XKR9: variants seen among roughly 807,000 people sequenced by gnomAD.
XKR9 encodes XK-related protein 9.
A neutral mutation model predicts 32.0 loss-of-function variants in XKR9; 32 were observed. The ratio of observed to expected loss-of-function variants is 1.00; its 90% confidence interval spans 0.76 to 1.34. The LOEUF (loss-of-function observed/expected upper bound fraction) is 1.34. Ranked by LOEUF, XKR9 falls within the 40% of genes most tolerant of loss-of-function variation. XKR9 has a pLI of 0.00. For missense variants in XKR9, 546 were observed against 429.7 expected (o/e 1.27, Z -2.39); for synonymous variants, 168 against 143.4 (o/e 1.17, Z -1.22).
At chr8:70,892,749 T>C in the XKR9 span, among the ~76,000 whole-genome samples, 3 of 152,212 alleles carry the variant, frequency 2.0e-5, no homozygotes, top group Non-Finnish European at 4.4e-5. Flanking sequence ...CTCTATTCTC[T>C]TGCTGTTTCT....
the XKR9 span, among the ~76,000 whole-genome samples, chr8:70,983,782 A>AAAAT: frequency 0.053 from 7,985 of 150,154 alleles, 266 homozygotes; most frequent in African/African-American, 0.087. Context: ...ACTTCATCTC[A>AAAAT]AAATAAATAA....
intron 3 of XKR9, among the ~76,000 whole-genome samples, chr8:70,704,619 C>T (rs747475510): frequency 6.6e-6 from 1 of 152,184 alleles, no homozygotes; most frequent in Non-Finnish European, 1.5e-5. Flanking sequence ...TAGAGTCTTG[C>T]ATTCTTAACT....
At chr8:70,903,849 C>T in the XKR9 span, among the ~76,000 whole-genome samples, 5 of 152,002 alleles carry the variant, frequency 3.3e-5, no homozygotes, top group Admixed American at 1.3e-4. Flanking sequence ...TCTTTGTTCT[C>T]GTTGGTTTCA....
chr8:71,047,738 C>T, the XKR9 span, among the ~76,000 whole-genome samples: 1 of 152,192 alleles, frequency 6.6e-6, no homozygotes, highest in African/African-American at 2.4e-5. Flanking sequence ...CCCACAGCAC[C>T]TTGTCTAGGT....
At chr8:70,848,260 C>T in the XKR9 span, among the ~76,000 whole-genome samples, 1 of 152,042 alleles carries the variant, frequency 6.6e-6, no homozygotes, top group East Asian at 1.9e-4. Context: ...CAATAAAATT[C>T]AACATCCTTT....
In XKR9 at chr8:70,735,758, C is replaced by G. The variant is rs1310261796; in HGVS notation, c.*1334C>G. 1.3e-5 allele frequency: 2 copies of G among 151,778 alleles called. No individual in the cohort carries two copies. Among genetic ancestry groups the G allele is most frequent in the Non-Finnish European group, 2.9e-5 (2 of 67,978 alleles). 9.4% of individuals were successfully genotyped at this position (151,778 alleles called of 1,614,324 possible). On this transcript the variant is annotated 3_prime_UTR_variant, in exon 5 of 5. Transcript: ENST00000408926. ...GATAGTTTACTGAGAATGATGATTT[C>G]CAGCTTCATCCATGTCCCTACAAAG...
the XKR9 span, among the ~76,000 whole-genome samples, chr8:71,008,840 T>C: frequency 3.3e-5 from 5 of 151,560 alleles, no homozygotes; most frequent in Non-Finnish European, 2.9e-5. Context: ...GGCTGATTTT[T>C]AAATTTTTTG....
At chr8:70,840,761 A>G in the XKR9 span, among the ~76,000 whole-genome samples, 20 of 152,174 alleles carry the variant, frequency 1.3e-4, no homozygotes, top group Admixed American at 3.9e-4. Context: ...TCATTTGAAC[A>G]AGAATGGAAG....
the XKR9 span, among the ~76,000 whole-genome samples, chr8:70,910,872 T>C: frequency 1.3e-5 from 2 of 152,348 alleles, no homozygotes; most frequent in Non-Finnish European, 2.9e-5. Flanking sequence ...CATTTCCTTG[T>C]TGGCTGTCAG....
chr8:71,059,429 CTTTG>C, the XKR9 span, among the ~76,000 whole-genome samples: 1 of 152,198 alleles, frequency 6.6e-6, no homozygotes, highest in Non-Finnish European at 1.5e-5. Context: ...GTCACAAGTT[CTTTG>C]TTTATCTTTT....
intron 4 of XKR9, among the ~76,000 whole-genome samples, chr8:70,732,155 C>G (rs1806690072): frequency 6.6e-6 from 1 of 152,194 alleles, no homozygotes; most frequent in Non-Finnish European, 1.5e-5. Flanking sequence ...GAGCTACAAA[C>G]AGATACCCCA....
chr8:70,680,846 C>A lies in XKR9; in HGVS notation c.-213C>A. On this transcript the variant is annotated 5_prime_UTR_variant, in exon 3 of 5. Transcript: ENST00000408926. ...TTGATTAAAGCCTTGTAACATTGGA[C>A]CTAGATTAGAGATTTAGAAAAGAAA... The A allele has an allele frequency of 2.5e-6, 1 of 397,984 alleles. No homozygotes were observed. Among genetic ancestry groups the A allele is most frequent in the Non-Finnish European group, 4.5e-6 (1 of 221,884 alleles). The allele number at this position is 397,984 out of a possible 1,614,324, so 24.7% of individuals were successfully genotyped here.
At position 70,777,259 on chromosome 8, in the gene XKR9, A is replaced by T. The variant is rs1465179632; in HGVS notation, n.353-12080A>T. 2.0e-5 allele frequency among the ~76,000 whole-genome samples: 3 copies of T among 151,950 alleles called. No individual in the cohort carries two copies. In the East Asian group the frequency reaches 5.8e-4, roughly 29 times the overall value. ...GCTGAGAATGATGGTTTCCAGCTTC[A>T]TCCATGTCCCTGCAAAAGACATGAA... On this transcript the variant is annotated intron_variant and non_coding_transcript_variant, in intron 2 of 3. Coordinates refer to the XKR9 transcript ENST00000520273.
At chr8:70,851,428 A>G in the XKR9 span, among the ~76,000 whole-genome samples, 3 of 152,164 alleles carry the variant, frequency 2.0e-5, no homozygotes, top group South Asian at 4.1e-4. Context: ...ATTAGAAAAA[A>G]CTACTTTAAA....
At chr8:70,836,090 T>G in the XKR9 span, among the ~76,000 whole-genome samples, 1 of 152,064 alleles carries the variant, frequency 6.6e-6, no homozygotes, top group African/African-American at 2.4e-5. Flanking sequence ...CCATCTTATT[T>G]TTTGGTGCAT....
At chr8:70,731,654 G>C (rs565825149) in intron 4 of XKR9, among the ~76,000 whole-genome samples, 119 of 152,190 alleles carry the variant, frequency 7.8e-4, no homozygotes, top group Non-Finnish European at 1.6e-3. Flanking sequence ...TGTTGTCTTT[G>C]ATCTCCTCCA....
the XKR9 span, among the ~76,000 whole-genome samples, chr8:70,854,422 G>A: frequency 3.5e-4 from 54 of 152,118 alleles, 1 homozygote; most frequent in African/African-American, 1.2e-3. Context: ...CTGGATATTA[G>A]CCCTTTGTCA....
At chr8:70,834,150 A>G in the XKR9 span, among the ~76,000 whole-genome samples, 1 of 152,106 alleles carries the variant, frequency 6.6e-6, no homozygotes, top group South Asian at 2.1e-4. Flanking sequence ...TAAGTATAGA[A>G]TATAATATAT....
At chr8:70,905,525 C>A in the XKR9 span, among the ~76,000 whole-genome samples, 33 of 152,284 alleles carry the variant, frequency 2.2e-4, no homozygotes, top group African/African-American at 7.7e-4. Flanking sequence ...TTCGTCTAAT[C>A]TTTTTTCAAG....
Sources: gnomAD v4.1 joint callset for allele counts (sites outside exome capture counted in the v4.1 genomes callset) on GRCh38, gnomAD v4.1.1 for gene constraint, MANE v1.5 for transcripts, NCBI Gene and HGNC (gene_info 2026-07-23, HGNC 2026-07-21) for gene names.